Variants in SQOR observed in about 807,000 individuals in gnomAD.
SQOR encodes the protein sulfide:quinone oxidoreductase, mitochondrial.
A neutral mutation model predicts 48.6 loss-of-function variants in SQOR; 39 were observed. The ratio of observed to expected loss-of-function variants is 0.80; its 90% CI spans 0.62 to 1.05. The LOEUF (loss-of-function observed/expected upper bound fraction) is 1.05, where lower values mean the gene tolerates loss of function less well. Among genes scored for constraint, SQOR ranks in the 50% least tolerant of loss-of-function variants. SQOR has a pLI of 0.00. For missense variants in SQOR, 561 were observed against 559.9 expected (o/e 1.00, Z -0.02); for synonymous variants, 220 against 206.2 (o/e 1.07, Z -0.57).
chr15:45,648,340 G>C (rs1889388038), intron 1 of SQOR, among the ~76,000 whole-genome samples: 1 of 152,098 alleles, frequency 6.6e-6, no homozygotes, highest in African/African-American at 2.4e-5. Context: ...ACCATACCCA[G>C]CTAATTTTTG....
chr15:45,654,692 C>T (rs574280221), intron 1 of SQOR, among the ~76,000 whole-genome samples: 12 of 151,876 alleles, frequency 7.9e-5, no homozygotes, highest in East Asian at 5.8e-4. Context: ...CAAGGAGTTT[C>T]GGAGTGGAGG....
At chr15:45,656,592 A>C (rs1482762772) in intron 1 of SQOR, among the ~76,000 whole-genome samples, 2 of 151,994 alleles carry the variant, frequency 1.3e-5, no homozygotes, top group Non-Finnish European at 2.9e-5. Context: ...ATGCCCAGCC[A>C]ATATTAATGT....
chr15:45,648,111 CACAAGT>C (rs1476124460), intron 1 of SQOR, among the ~76,000 whole-genome samples: 3 of 152,020 alleles, frequency 2.0e-5, no homozygotes, highest in African/African-American at 4.8e-5. Flanking sequence ...TTTGAGACAG[CACAAGT>C]ACAACTGGTA....
At chr15:45,638,935 T>G (rs1895059294) in intron 1 of SQOR, among the ~76,000 whole-genome samples, 1 of 152,196 alleles carries the variant, frequency 6.6e-6, no homozygotes, top group African/African-American at 2.4e-5. Context: ...TCATCAGCAC[T>G]GAGGTCTTGG....
chr15:45,683,412 C>T (rs1413779543), intron 7 of SQOR, among the ~76,000 whole-genome samples: 1 of 152,196 alleles, frequency 6.6e-6, no homozygotes, highest in Non-Finnish European at 1.5e-5. Flanking sequence ...GTGGAGCATG[C>T]CCTGAGTGGT....
chr15:45,678,337 C>T (rs915080449), intron 6 of SQOR, among the ~76,000 whole-genome samples: 1 of 152,214 alleles, frequency 6.6e-6, no homozygotes, highest in African/African-American at 2.4e-5. Flanking sequence ...TGTGACATTT[C>T]CTGCACATTT....
chr15:45,661,197 G>A (rs1479955110), intron 2 of SQOR, among the ~76,000 whole-genome samples: 1 of 148,628 alleles, frequency 6.7e-6, no homozygotes, highest in Non-Finnish European at 1.5e-5. Flanking sequence ...CAGAAGAATC[G>A]CCTGAACCTG....
At chr15:45,687,129 C>CT (rs1385913159) in intron 7 of SQOR, among the ~76,000 whole-genome samples, 1 of 151,974 alleles carries the variant, frequency 6.6e-6, no homozygotes, top group Non-Finnish European at 1.5e-5. Context: ...AAAGGGTAGT[C>CT]TTTTTTTGTT....
chr15:45,669,162 T>A (rs1033215863), intron 3 of SQOR, among the ~76,000 whole-genome samples: 45 of 143,602 alleles, frequency 3.1e-4, no homozygotes, highest in South Asian at 9.8e-4. Context: ...ATATATATAT[T>A]TTTTATTTTT....
intron 4 of SQOR, among the ~76,000 whole-genome samples, chr15:45,671,909 C>G (rs978021717): frequency 6.6e-6 from 1 of 152,188 alleles, no homozygotes; most frequent in African/African-American, 2.4e-5. Flanking sequence ...ATCTCTTTCC[C>G]TGACTCTCCC....
chr15:45,688,186 G>A, intron 7 of SQOR, 151 bp from the exon 8 acceptor site: 1 of 572,484 alleles, frequency 1.7e-6, no homozygotes, highest in Admixed American at 3.8e-5. Context: ...CCGGTAGTCA[G>A]AATTTCAATT....
intron 1 of SQOR, chr15:45,645,804 G>A (rs1448510716): frequency 1.3e-5 from 2 of 152,188 alleles, no homozygotes; most frequent in Non-Finnish European, 2.9e-5. Flanking sequence ...AAATGATGAT[G>A]TTTGCTTTGG....
intron 3 of SQOR, among the ~76,000 whole-genome samples, chr15:45,666,688 G>C (rs947184062): frequency 1.3e-5 from 2 of 151,724 alleles, no homozygotes; most frequent in Non-Finnish European, 2.9e-5. Context: ...AAAGCAGCAG[G>C]CTTATCATCT....
rs377607911 is a variant in SQOR at position 45,688,515 on chromosome 15, C to CTT, written c.1116+124_1116+125dup. 1,936 of 619,970 alleles carry CTT rather than the reference C, an allele frequency of 3.1e-3. 8 individuals carry two copies. The highest frequency in any genetic ancestry group is 0.02 in the African/African-American group (993 of 49,036). 38.4% of individuals were successfully genotyped at this position (619,970 alleles called of 1,614,324 possible). ...CTGTCTTTTCTTTTTTTCTGTTTTT[C>CTT]TTTTTTTTTTTTTTGAGATGCAGTT... On this transcript the variant is annotated intron_variant, in intron 8 of 9. Coordinates refer to ENST00000260324, the MANE Select transcript of SQOR (RefSeq NM_021199.4).
intron 1 of SQOR, among the ~76,000 whole-genome samples, chr15:45,651,220 C>A (rs1889480388): frequency 1.3e-5 from 2 of 152,226 alleles, no homozygotes; most frequent in African/African-American, 2.4e-5. Context: ...TGCTGGGGGA[C>A]CTGGTGCACC....
intron 1 of SQOR, among the ~76,000 whole-genome samples, chr15:45,643,418 A>G (rs1895140278): frequency 6.6e-6 from 1 of 152,088 alleles, no homozygotes; most frequent in African/African-American, 2.4e-5. Flanking sequence ...GATGGTCTCA[A>G]TCTCCTGACC....
chr15:45,658,273 A>G (rs1393957370), intron 1 of SQOR, among the ~76,000 whole-genome samples: 1 of 152,036 alleles, frequency 6.6e-6, no homozygotes, highest in Non-Finnish European at 1.5e-5. Flanking sequence ...GAGGGCCTTC[A>G]CTTGTGTGTC....
At chr15:45,640,119 G>A (rs1895078137) in intron 1 of SQOR, among the ~76,000 whole-genome samples, 1 of 152,198 alleles carries the variant, frequency 6.6e-6, no homozygotes, top group African/African-American at 2.4e-5. Flanking sequence ...GAGAGATTGA[G>A]AGGAATGGTT....
rs1044032 is a variant in SQOR, at chr15:45,676,237, T to C, written c.791T>C (p.Ile264Thr). Residue 264 changes from isoleucine (I) to threonine (T), a missense_variant, in exon 6 of 10, where the codon ATT becomes ACT. By Grantham distance (89) the Ile-to-Thr change is moderately conservative. Transcript: ENST00000260324. ...ACTGTTAACTACAAGAAAAACCTCA[T>C]TGAAGTCCGAGCCGATAAACAAGAG... ...NLTVNYKKNL[I>T]EVRADKQEAV... 350,242 of 1,613,820 alleles carry C rather than the reference T, an allele frequency of 0.22. 41,217 individuals are homozygous for C. The highest frequency in any genetic ancestry group is 0.43 in the East Asian group (19,377 of 44,854).
Sources: allele counts gnomAD v4.1 joint callset (sites outside exome capture counted in the v4.1 genomes callset), GRCh38; gene constraint gnomAD v4.1.1; transcripts MANE v1.5; gene names NCBI Gene and HGNC (gene_info 2026-07-23, HGNC 2026-07-21).